The following RELN variants were observed in gnomAD, a reference collection of about 807,000 sequenced individuals.
The protein encoded by RELN is reelin.
In RELN, 108 loss-of-function variants were observed where a neutral mutation model predicts 427.6. The observed-to-expected ratio is 0.25, with a 90% CI of 0.22 to 0.30. RELN has a LOEUF of 0.30. Ranked by LOEUF, RELN falls within the 10% of genes least tolerant of loss-of-function variation. The pLI is 1.00. For missense variants in RELN, 3,715 were observed against 4,302.8 expected, an observed-to-expected ratio of 0.86 and a Z score of 3.82; for synonymous variants, 1,524 against 1,513.4, an observed-to-expected ratio of 1.01 and a Z score of -0.16.
intron 6 of RELN, among the ~76,000 whole-genome samples, chr7:103,736,142 G>C (rs944474491): frequency 6.6e-6 from 1 of 152,116 alleles, no homozygotes; most frequent in African/African-American, 2.4e-5. Flanking sequence ...CCGGCCATTT[G>C]GTAGCTGGGC....
chr7:103,778,829 TCAAA>T (rs1167680269), intron 3 of RELN, among the ~76,000 whole-genome samples: 1 of 152,342 alleles, frequency 6.6e-6, no homozygotes, highest in East Asian at 1.9e-4. Flanking sequence ...TACTCATTCT[TCAAA>T]CAAATATGGA....
chr7:103,833,679 G>T lies in RELN; in HGVS notation c.338-7C>A, dbSNP rs1423275203. ...TGGTGGTCAGACATGATCCCTAAGA[G>T]AAAGGAAGGAGAGTTGTTACAAAGA... On this transcript the variant is annotated splice_region_variant and splice_polypyrimidine_tract_variant and intron_variant, in intron 2 of 64. Coordinates refer to ENST00000428762, the MANE Select transcript of RELN (RefSeq NM_005045.4). The T allele has an allele frequency of 6.2e-7, 1 of 1,612,230 alleles. No individual in the cohort carries two copies. The highest frequency in any genetic ancestry group is 8.5e-7 in the Non-Finnish European group (1 of 1,178,810).
chr7:103,826,996 G>C (rs1401235112), intron 3 of RELN, among the ~76,000 whole-genome samples: 1 of 142,750 alleles, frequency 7.0e-6, no homozygotes, highest in Non-Finnish European at 1.5e-5. Context: ...TTTTGCTATA[G>C]CTTTTTTTTT....
chr7:103,654,333 A>T (rs1292521533), intron 12 of RELN, 128 bp from the exon 13 acceptor site: 1 of 670,318 alleles, frequency 1.5e-6, no homozygotes, highest in African/African-American at 1.8e-5. Flanking sequence ...AACCCTAAAC[A>T]AAGGTAAACA....
intron 64 of RELN, among the ~76,000 whole-genome samples, chr7:103,478,066 G>A (rs971984879): frequency 1.3e-5 from 2 of 152,062 alleles, no homozygotes; most frequent in African/African-American, 4.8e-5. Flanking sequence ...GCACTTCAAG[G>A]GCACCCAATA....
chr7:103,785,188 A>G (rs1397056831), intron 3 of RELN, among the ~76,000 whole-genome samples: 1 of 152,138 alleles, frequency 6.6e-6, no homozygotes, highest in Non-Finnish European at 1.5e-5. Flanking sequence ...CTTCTAAAAC[A>G]TTAAAATAAA....
At chr7:103,534,973 T>C (rs920040029) in intron 46 of RELN, among the ~76,000 whole-genome samples, 3 of 152,250 alleles carry the variant, frequency 2.0e-5, no homozygotes, top group East Asian at 1.9e-4. Flanking sequence ...CAGTCTATTC[T>C]GTATCCAATG....
chr7:103,648,823 C>G (rs1832850382), intron 16 of RELN, among the ~76,000 whole-genome samples: 1 of 151,896 alleles, frequency 6.6e-6, no homozygotes, highest in Non-Finnish European at 1.5e-5. Flanking sequence ...AAATGACCAA[C>G]AGGTATATAA....
intron 3 of RELN, among the ~76,000 whole-genome samples, chr7:103,781,474 T>C (rs1791888626): frequency 6.6e-6 from 1 of 152,188 alleles, no homozygotes; most frequent in African/African-American, 2.4e-5. Flanking sequence ...AAGCTGTGTA[T>C]TAAATCTAGC....
At chr7:103,511,203 T>TGATATTAGTACACACACAACCATA (rs1467662168) in intron 50 of RELN, among the ~76,000 whole-genome samples, 198 bp from the exon 51 acceptor site, 1 of 152,188 alleles carries the variant, frequency 6.6e-6, no homozygotes, top group African/African-American at 2.4e-5. Context: ...GCCCTTTGTC[T>TGATATTAGTACACACACAACCATA]GATATTAGTA....
chr7:103,797,103 G>C (rs76593638), intron 3 of RELN, among the ~76,000 whole-genome samples: 8 of 151,222 alleles, frequency 5.3e-5, no homozygotes, highest in Admixed American at 4.0e-4. Flanking sequence ...TCATTTTTTT[G>C]AGACAGAGCG....
At chr7:103,967,873 A>C (rs1213369451) in intron 1 of RELN, among the ~76,000 whole-genome samples, 1 of 152,172 alleles carries the variant, frequency 6.6e-6, no homozygotes, top group Non-Finnish European at 1.5e-5. Context: ...CTCTAGATCT[A>C]AGGTTTCTCT....
chr7:103,679,047 T>C (rs910537847), intron 11 of RELN, among the ~76,000 whole-genome samples: 5 of 152,252 alleles, frequency 3.3e-5, no homozygotes, highest in Non-Finnish European at 7.3e-5. Context: ...ATTAATTAGA[T>C]TTTGTGACTT....
intron 33 of RELN, among the ~76,000 whole-genome samples, chr7:103,565,942 T>C (rs1176212251): frequency 6.7e-6 from 1 of 149,980 alleles, no homozygotes; most frequent in African/African-American, 2.5e-5. Context: ...GTCTTAAGTC[T>C]ACAAGTTATG....
chr7:103,494,394 G>GTGTGTGTGTGTGTGTGTGTGAGT (rs774896895), intron 57 of RELN, among the ~76,000 whole-genome samples: 1 of 134,452 alleles, frequency 7.4e-6, no homozygotes, highest in South Asian at 2.5e-4. Context: ...TGTGTGTGTG[G>GTGTGTGTGTGTGTGTGTGTGAGT]GATATGGTCT....
rs71154386 is a variant in RELN at position 103,989,383 on chromosome 7, G to GCCGCT, written c.-28_-27insAGCGG. The stretch of plus-strand genomic sequence containing the variant: ...CCGCCGCCGCCGCCGCCGCCGCCGC[G>GCCGCT]CGCCCTACGCGCCGCTCGCTCATTC... On this transcript the variant is annotated 5_prime_UTR_variant, in exon 1 of 65. Coordinates refer to ENST00000428762, the MANE Select transcript of RELN (RefSeq NM_005045.4). The surrounding 1 kb of genome is among the most constrained non-coding windows in gnomAD (Gnocchi z 4.9). 1 of 625,378 alleles carries GCCGCT rather than the reference G, an allele frequency of 1.6e-6. No individual in the cohort carries two copies. Among genetic ancestry groups the GCCGCT allele is most frequent in the African/African-American group, 4.1e-5 (1 of 24,674 alleles). The allele number at this position is 625,378 out of a possible 1,614,324, so 38.7% of individuals were successfully genotyped here.
intron 15 of RELN, 75 bp downstream of exon 15, chr7:103,651,586 T>G: frequency 2.0e-6 from 3 of 1,470,280 alleles, no homozygotes; most frequent in Non-Finnish European, 1.9e-6. Flanking sequence ...AAATGCTAAT[T>G]TCAGGATAAC....
intron 1 of RELN, among the ~76,000 whole-genome samples, chr7:103,922,499 C>T (rs1254280864): frequency 6.6e-6 from 1 of 152,146 alleles, no homozygotes; most frequent in East Asian, 1.9e-4. Context: ...AATATCTCTT[C>T]CACATCTGTG....
chr7:103,624,169 T>A (rs1832276825), intron 20 of RELN, among the ~76,000 whole-genome samples: 1 of 152,178 alleles, frequency 6.6e-6, no homozygotes, highest in African/African-American at 2.4e-5. Flanking sequence ...ATACAAATAA[T>A]TTTTTCTTGT....
Sources: gnomAD v4.1 joint callset for allele counts (sites outside exome capture counted in the v4.1 genomes callset) on GRCh38, gnomAD v4.1.1 for gene constraint, Gnocchi (gnomAD v3.1) non-coding constraint, MANE v1.5 for transcripts, NCBI Gene and HGNC (gene_info 2026-07-23, HGNC 2026-07-21) for gene names.